SERPINI1: variants seen among roughly 807,000 people sequenced by gnomAD.
SERPINI1 encodes the protein serpin family I member 1.
In SERPINI1, 19 loss-of-function variants were observed where a neutral mutation model predicts 41.1. The ratio of observed to expected loss-of-function variants is 0.46; its 90% CI spans 0.32 to 0.68. The LOEUF is 0.68. Ranked by LOEUF, SERPINI1 falls within the 30% of genes least tolerant of loss-of-function variation. The probability of loss-of-function intolerance (pLI) is 0.03; values close to 1 mark genes in which losing one functional copy is unlikely to be tolerated. For missense variants in SERPINI1, 460 were observed against 479.2 expected, an observed-to-expected ratio of 0.96 and a Z score of 0.37; for synonymous variants, 138 against 156.6, an observed-to-expected ratio of 0.88 and a Z score of 0.89.
At chr3:167,747,822 A>G (rs1237941305) in intron 1 of SERPINI1, among the ~76,000 whole-genome samples, 1 of 152,188 alleles carries the variant, frequency 6.6e-6, no homozygotes, top group African/African-American at 2.4e-5. Context: ...GATAAAAAGT[A>G]ATGTAGAATA....
rs1388112579 is a variant in SERPINI1 at position 167,808,160 on chromosome 3, A to ATAAATAAATAAATAAATAAG, written c.979+821_979+822insAATAAATAAATAAATAAGTA. On this transcript the variant is annotated intron_variant, in intron 6 of 8. Transcript: ENST00000446050. ...AATAAATAAATAAATAAATAAATAA[A>ATAAATAAATAAATAAATAAG]TAGTGGTTTTAAAGAAGTAACTTCA... 5.7e-3 allele frequency among the ~76,000 whole-genome samples: 860 copies of ATAAATAAATAAATAAATAAG among 151,554 alleles called. 10 individuals carry two copies. The highest frequency in any genetic ancestry group is 0.02 in the African/African-American group (821 of 41,248).
At chr3:167,797,694 A>G (rs1210564467) in intron 5 of SERPINI1, among the ~76,000 whole-genome samples, 3 of 151,816 alleles carry the variant, frequency 2.0e-5, no homozygotes, top group Non-Finnish European at 4.4e-5. Flanking sequence ...ATATTCCATT[A>G]TAAGTCTATT....
chr3:167,791,643 C>G (rs556447041), intron 3 of SERPINI1, among the ~76,000 whole-genome samples: 1 of 152,278 alleles, frequency 6.6e-6, no homozygotes, highest in South Asian at 2.1e-4. Flanking sequence ...AGCAAAGACC[C>G]AATATCCTTT....
chr3:167,806,755 G>A (rs1711659496), intron 5 of SERPINI1, among the ~76,000 whole-genome samples: 1 of 151,916 alleles, frequency 6.6e-6, no homozygotes, highest in Non-Finnish European at 1.5e-5. Context: ...GATGTGGGTG[G>A]GAGTTGCACA....
At chr3:167,779,206 A>T (rs527524130) in intron 1 of SERPINI1, among the ~76,000 whole-genome samples, 5 of 152,330 alleles carry the variant, frequency 3.3e-5, no homozygotes, top group Admixed American at 2.6e-4. Context: ...TAGCTTAAAA[A>T]TTTTTTTAAA....
intron 5 of SERPINI1, among the ~76,000 whole-genome samples, chr3:167,804,855 A>G (rs1049647053): frequency 1.3e-5 from 2 of 152,076 alleles, no homozygotes; most frequent in African/African-American, 4.8e-5. Flanking sequence ...ACACACAAAA[A>G]TATGTTACAT....
At chr3:167,768,391 G>A (rs1351423178) in intron 1 of SERPINI1, among the ~76,000 whole-genome samples, 2 of 152,118 alleles carry the variant, frequency 1.3e-5, no homozygotes, top group South Asian at 2.1e-4. Context: ...TATATACAGT[G>A]GAAAACCAAA....
chr3:167,761,310 C>T (rs1559998467), intron 1 of SERPINI1, among the ~76,000 whole-genome samples: 1 of 152,234 alleles, frequency 6.6e-6, no homozygotes, highest in Non-Finnish European at 1.5e-5. Flanking sequence ...TTATGGGCCT[C>T]TATTTAATGG....
chr3:167,823,920 T>C (rs908494856), intron 7 of SERPINI1, among the ~76,000 whole-genome samples: 1 of 152,190 alleles, frequency 6.6e-6, no homozygotes, highest in Admixed American at 6.5e-5. Context: ...GGGAATTTAG[T>C]AGCCCAGTCA....
At position 167,760,561 on chromosome 3, in the gene SERPINI1, TTGTGTGTGTGTGTGTGTGTGTGTG is replaced by T. The variant is rs57003321; in HGVS notation, c.-19+24764_-19+24787del. On this transcript the variant is annotated intron_variant, in intron 1 of 8. Coordinates refer to ENST00000446050, the MANE Select transcript of SERPINI1 (RefSeq NM_001122752.2). ...TCAGTTCTGGAAGCCTGGCTCCAAA[TTGTGTGTGTGTGTGTGTGTGTGTG>T]TGTGTGTGTGTGTGTGTGTGTGTGT... Among the ~76,000 whole-genome samples the T allele has an allele frequency of 2.1e-3, 298 of 140,706 alleles. 1 individual carries two copies. The highest frequency in any genetic ancestry group is 7.6e-3 in the African/African-American group (292 of 38,478). The allele number at this position is 140,706 out of a possible 152,430, so 92.3% of individuals were successfully genotyped here.
rs573495753 is a variant in SERPINI1 at position 167,755,903 on chromosome 3, G to C, written c.-19+20080G>C. ...TATTCAGTGAAAGAGTTGGCTAGGG[G>C]ACCAGGCCGCTGACTGAAAGAGATG... On this transcript the variant is annotated intron_variant, in intron 1 of 8. Transcript: ENST00000446050. Among the ~76,000 whole-genome samples the C allele has an allele frequency of 1.3e-4, 19 of 151,780 alleles. No homozygotes were observed. The South Asian group carries it at 3.8e-3, about 30-fold the overall frequency.
intron 1 of SERPINI1, among the ~76,000 whole-genome samples, chr3:167,775,946 G>T (rs1281016968): frequency 6.6e-6 from 1 of 151,970 alleles, no homozygotes; most frequent in Non-Finnish European, 1.5e-5. Context: ...GCGACAGAGT[G>T]AGACCCCGTC....
chr3:167,755,931 G>A (rs1002297727), intron 1 of SERPINI1, among the ~76,000 whole-genome samples: 1 of 151,472 alleles, frequency 6.6e-6, no homozygotes, highest in African/African-American at 2.4e-5. Context: ...AAGAGATGTA[G>A]CAGCCATGAC....
At chr3:167,780,171 CT>C (rs1252761179) in intron 1 of SERPINI1, among the ~76,000 whole-genome samples, 3 of 152,280 alleles carry the variant, frequency 2.0e-5, no homozygotes, top group South Asian at 4.1e-4. Context: ...TTTTGAATCA[CT>C]TTGTCCATCA....
In SERPINI1 at chr3:167,794,819, G is replaced by T. The variant is rs2108559999; in HGVS notation, c.876G>T (p.Leu292=). Reference sequence around the variant, plus strand: ...AGAAGCAAAAAGTAGAAGTATACCTGCCCAGGTATGAGGTTCCTGTGTCAC... The same window carrying T: ...AGAAGCAAAAAGTAGAAGTATACCTTCCCAGGTATGAGGTTCCTGTGTCAC... ...SVKKQKVEVY[L]PRFTVEQEID... is the part of the protein sequence containing the mutation. The change falls in exon 5 of 9, where the codon CTG becomes CTT. Residue 292 remains leucine (L), a synonymous_variant. Coordinates refer to ENST00000446050, the MANE Select transcript of SERPINI1 (RefSeq NM_001122752.2). The T allele has an allele frequency of 6.2e-7, 1 of 1,612,552 alleles. No homozygotes were observed. The highest frequency in any genetic ancestry group is 8.5e-7 in the Non-Finnish European group (1 of 1,179,594).
At chr3:167,810,993 A>G (rs1477990649) in intron 6 of SERPINI1, among the ~76,000 whole-genome samples, 1 of 152,100 alleles carries the variant, frequency 6.6e-6, no homozygotes, top group Non-Finnish European at 1.5e-5. Context: ...TGATCATGAG[A>G]TAGCAGCAAT....
At chr3:167,792,403 A>AGTGTGTGTGTGT (rs113251395) in intron 3 of SERPINI1, among the ~76,000 whole-genome samples, 187 bp from the exon 4 acceptor site, 1,546 of 151,248 alleles carry the variant, frequency 0.01, 35 homozygotes, top group African/African-American at 0.036. Context: ...ATATATATGT[A>AGTGTGTGTGTGT]GTGTGTGTGT....
chr3:167,738,922 T>G (rs1229269582), intron 1 of SERPINI1, among the ~76,000 whole-genome samples: 2 of 151,702 alleles, frequency 1.3e-5, no homozygotes, highest in African/African-American at 4.8e-5. Flanking sequence ...GAAACATTAT[T>G]TGGACAAAAT....
intron 1 of SERPINI1, among the ~76,000 whole-genome samples, chr3:167,760,349 A>G (rs896271004): frequency 9.7e-5 from 8 of 82,148 alleles, no homozygotes; most frequent in Admixed American, 8.1e-4. Context: ...CTAATTTCAA[A>G]TATATATATA....
Sources: allele counts gnomAD v4.1 joint callset (sites outside exome capture counted in the v4.1 genomes callset), GRCh38; gene constraint gnomAD v4.1.1; transcripts MANE v1.5; gene names NCBI Gene and HGNC (gene_info 2026-07-23, HGNC 2026-07-21).